KRT3: variants seen among roughly 807,000 people sequenced by gnomAD.
KRT3 encodes keratin 3, also known as keratin, type II cytoskeletal 3.
KRT3 carries 34 observed loss-of-function variants against 45.8 expected under a neutral mutation model. The ratio of observed to expected loss-of-function variants is 0.74; its 90% CI spans 0.57 to 0.99. The LOEUF (loss-of-function observed/expected upper bound fraction) is 0.99. Among genes scored for constraint, KRT3 ranks in the 50% least tolerant of loss-of-function variants. The pLI, the probability that KRT3 is intolerant of heterozygous loss-of-function variation, is 0.00. For missense variants in KRT3, 828 were observed against 820.6 expected (o/e 1.01, Z -0.11); for synonymous variants, 367 against 329.0 (o/e 1.12, Z -1.25).
chr12:52,795,817 G>A lies in KRT3; in HGVS notation c.226C>T (p.Arg76Trp), dbSNP rs762235173. ...CGCCCTCCCCCAAAGCCTCCAGCCCGGGAGCCGCCAGCTGCCACGCTGATG... is the reference window on the plus strand; with the variant it reads ...CGCCCTCCCCCAAAGCCTCCAGCCCAGGAGCCGCCAGCTGCCACGCTGATG... The part of the protein sequence containing the change: ...ISISVAAGGS[R>W]AGGFGGGRSS... Residue 76 changes from arginine (R) to tryptophan (W), a missense_variant, in exon 1 of 9, where the codon CGG (arginine) becomes TGG (tryptophan). Physicochemically the swap from Arg to Trp is moderately radical, Grantham distance 101. Coordinates refer to ENST00000417996, the MANE Select transcript of KRT3 (RefSeq NM_057088.3). 1.1e-5 allele frequency: 18 copies of A among 1,613,740 alleles called. No individual in the cohort carries two copies. The highest frequency in any genetic ancestry group is 1.1e-4 in the East Asian group (5 of 44,892).
Position 52,795,846 on chromosome 12 carries a change from A to G in KRT3, c.197T>C (p.Ile66Thr). Residue 66 changes from isoleucine (I) to threonine (T), a missense_variant, in exon 1 of 9, where the codon ATC becomes ACC. Physicochemically the swap from Ile to Thr is moderately conservative, Grantham distance 89. Transcript: ENST00000417996. ...GCCGCCAGCTGCCACGCTGATGGAG[A>G]TGCTCTTGTTGCCGCCCAGGTTGTA... ...SLYNLGGNKS[I>T]SISVAAGGSR... 1 of 1,614,104 alleles carries G rather than the reference A, an allele frequency of 6.2e-7. No individual in the cohort carries two copies. Among genetic ancestry groups the G allele is most frequent in the Non-Finnish European group, 8.5e-7 (1 of 1,180,002 alleles).
At chr12:52,794,979 G>A (rs1230743375) in intron 1 of KRT3, among the ~76,000 whole-genome samples, 2 of 152,142 alleles carry the variant, frequency 1.3e-5, no homozygotes, top group Non-Finnish European at 1.5e-5. Context: ...CCTCTGCCTG[G>A]CACAGCAATA....
At chr12:52,793,035 C>A in intron 3 of KRT3, 128 bp downstream of exon 3, 1 of 739,654 alleles carries the variant, frequency 1.4e-6, no homozygotes, top group Non-Finnish European at 2.3e-6. Flanking sequence ...CTAAGGTGCA[C>A]CTGACTTCTG....
In KRT3 at chr12:52,794,165, C is replaced by T. The variant is rs376246180; in HGVS notation, c.812G>A (p.Arg271His). Residue 271 changes from arginine (R) to histidine (H), a missense_variant, in exon 2 of 9, where the codon CGC becomes CAC. By Grantham distance (29) the Arg-to-His change is conservative. Coordinates refer to ENST00000417996, the MANE Select transcript of KRT3 (RefSeq NM_057088.3). ...YLDNILGERG[R>H]LDSELKNMED... Reference sequence around the variant, plus strand: ...CATGTTCTTCAGCTCAGAGTCCAGGCGCCCTCTCTCCCCGAGGATGTTGTC... The same window carrying T: ...CATGTTCTTCAGCTCAGAGTCCAGGTGCCCTCTCTCCCCGAGGATGTTGTC... 3.5e-5 allele frequency: 56 copies of T among 1,614,092 alleles called. No individual in the cohort carries two copies. The highest frequency in any genetic ancestry group is 4.5e-5 in the East Asian group (2 of 44,896).
chr12:52,792,613 C>T, intron 4 of KRT3, 98 bp downstream of exon 4: 2 of 1,022,168 alleles, frequency 2.0e-6, no homozygotes, highest in Non-Finnish European at 3.1e-6. Flanking sequence ...AGGCTCATTC[C>T]AGATGTCTTC....
At chr12:52,791,467 G>T (rs761495321) in intron 6 of KRT3, 41 bp from the exon 7 acceptor site, 1 of 1,592,838 alleles carries the variant, frequency 6.3e-7, no homozygotes, top group Non-Finnish European at 8.6e-7. Flanking sequence ...CAGTAAGAGG[G>T]CCCCAGGCCC....
At chr12:52,794,458 G>A (rs1939594856) in intron 1 of KRT3, 127 bp from the exon 2 acceptor site, 2 of 669,100 alleles carry the variant, frequency 3.0e-6, no homozygotes, top group Non-Finnish European at 5.3e-6. Flanking sequence ...AAGATGCAAA[G>A]ATAGGCTCCT....
Position 52,795,420 on chromosome 12 carries a change from T to C in KRT3, c.623A>G (p.Lys208Arg). 1 of 1,614,120 alleles carries C rather than the reference T, an allele frequency of 6.2e-7. No individual in the cohort carries two copies. Among genetic ancestry groups the C allele is most frequent in the Non-Finnish European group, 8.5e-7 (1 of 1,180,018 alleles). The change falls in exon 1 of 9, where the codon AAG becomes AGG. Residue 208 changes from lysine to arginine, a missense_variant. Transcript: ENST00000417996. ...TACCTTGTCAATGAAGGAGGCAAAC[T>C]TGTTGTTGAGGGTCTTGATCTGTTC... ...EREQIKTLNN[K>R]FASFIDKVRF...
Position 52,794,206 on chromosome 12 carries a change from G to A in KRT3, c.771C>T (p.Tyr257=), listed in dbSNP as rs771288814. Residue 257 remains tyrosine, a synonymous_variant, in exon 2 of 9, where the codon TAC becomes TAT. Transcript: ENST00000417996. ...GGATGTTGTCCAGGTAGCTCCGCAG[G>A]TAGTTGATGTGATTCTCAAAAAGAG... ...LEPLFENHIN[Y]LRSYLDNILG... 1.2e-5 allele frequency: 19 copies of A among 1,614,190 alleles called. No homozygotes were observed. Among genetic ancestry groups the A allele is most frequent in the Non-Finnish European group, 1.6e-5 (19 of 1,180,024 alleles).
In KRT3 at chr12:52,791,376, C is replaced by T. The variant is rs762523856; in HGVS notation, c.1365G>A (p.Met455Ile). ...AIAEAEQHGE[M>I]ALKDANAKLQ... ...GCTTGGCATTGGCATCCTTGAGGGCCATCTCTCCATGCTGCTCGGCCTCGG... is the reference window on the plus strand; with the variant it reads ...GCTTGGCATTGGCATCCTTGAGGGCTATCTCTCCATGCTGCTCGGCCTCGG... Residue 455 changes from methionine (M) to isoleucine (I), a missense_variant, in exon 7 of 9, where the codon ATG becomes ATA. Met to Ile is a conservative substitution (Grantham distance 10). Transcript: ENST00000417996. 5 of 1,614,236 alleles carry T rather than the reference C, an allele frequency of 3.1e-6. No homozygotes were observed. In the South Asian group the frequency reaches 5.5e-5, roughly 18 times the overall value.
intron 6 of KRT3, 42 bp from the exon 7 acceptor site, chr12:52,791,468 C>A (rs374673873): frequency 6.3e-7 from 1 of 1,590,706 alleles, no homozygotes; most frequent in Non-Finnish European, 8.6e-7. Context: ...AGTAAGAGGG[C>A]CCCAGGCCCT....
Position 52,795,665 on chromosome 12 carries a change from TCCAAAGCCACCAGCTCCA to T in KRT3, c.360_377del (p.Ala134_Gly139del), listed in dbSNP as rs1939623973. 1 of 1,533,858 alleles carries T rather than the reference TCCAAAGCCACCAGCTCCA, an allele frequency of 6.5e-7. No individual in the cohort carries two copies. Among genetic ancestry groups the T allele is most frequent in the Non-Finnish European group, 8.6e-7 (1 of 1,158,756 alleles). The stretch of plus-strand genomic sequence containing the variant: ...CAGCCCCTCCAAAGCCACCAGCCCC[TCCAAAGCCACCAGCTCCA>T]CCAAAGCCACCTCCCATTCCTCTGC... On this transcript the variant is annotated inframe_deletion, in exon 1 of 9. Transcript: ENST00000417996.
Position 52,791,620 on chromosome 12 carries a change from G to A in KRT3, c.1314+71C>T, listed in dbSNP as rs775824273. On this transcript the variant is annotated intron_variant, in intron 6 of 8. Transcript: ENST00000417996. Reference sequence around the variant, plus strand: ...TGACCTCCAGACGTCTATTCCAGGGGAGGAGTCCTGAGATCCTAGCCCCTG... The same window carrying A: ...TGACCTCCAGACGTCTATTCCAGGGAAGGAGTCCTGAGATCCTAGCCCCTG... 4 of 1,593,576 alleles carry A rather than the reference G, an allele frequency of 2.5e-6. No homozygotes were observed. The African/African-American group carries it at 4.0e-5, about 16-fold the overall frequency.
chr12:52,790,717 C>A, intron 8 of KRT3, 121 bp downstream of exon 8: 1 of 923,624 alleles, frequency 1.1e-6, no homozygotes, highest in Non-Finnish European at 1.7e-6. Context: ...ACTTCCCTCT[C>A]CTCTCCCAGA....
intron 3 of KRT3, 96 bp from the exon 4 acceptor site, chr12:52,792,902 T>C: frequency 3.6e-6 from 3 of 842,294 alleles, no homozygotes; most frequent in Non-Finnish European, 5.9e-6. Flanking sequence ...GGTGCAGTGA[T>C]GGTCCTTGTC....
At chr12:52,795,257 A>G (rs1158587716) in intron 1 of KRT3, 141 bp downstream of exon 1, 5 of 1,038,022 alleles carry the variant, frequency 4.8e-6, no homozygotes, top group Non-Finnish European at 7.1e-6. Context: ...TCAACCCTGG[A>G]TATCTTCCCA....
chr12:52,791,922 C>T, intron 5 of KRT3, 106 bp from the exon 6 acceptor site: 2 of 1,259,588 alleles, frequency 1.6e-6, no homozygotes, highest in Non-Finnish European at 1.1e-6. Context: ...AAGGCATTTG[C>T]TAAAATGATA....
chr12:52,792,469 G>A, intron 4 of KRT3, 66 bp from the exon 5 acceptor site: 9 of 1,491,298 alleles, frequency 6.0e-6, no homozygotes, highest in Non-Finnish European at 8.3e-6. Context: ...GGCCCTGAAA[G>A]ACTCTTGATC....
intron 3 of KRT3, among the ~76,000 whole-genome samples, 166 bp from the exon 4 acceptor site, chr12:52,792,972 T>G (rs2121221216): frequency 6.6e-6 from 1 of 152,280 alleles, no homozygotes; most frequent in East Asian, 1.9e-4. Flanking sequence ...CTAAGTTTAA[T>G]CCTACTAAAA....
Sources: allele counts gnomAD v4.1 joint callset (sites outside exome capture counted in the v4.1 genomes callset), GRCh38; gene constraint gnomAD v4.1.1; transcripts MANE v1.5; gene names NCBI Gene and HGNC (gene_info 2026-07-23, HGNC 2026-07-21).